NOC3L: variants seen among roughly 807,000 people sequenced by gnomAD.
NOC3L encodes the protein nucleolar complex protein 3 homolog.
A neutral mutation model predicts 102.5 loss-of-function variants in NOC3L; 85 were observed. The observed-to-expected ratio is 0.83, with a 90% CI of 0.70 to 0.99. NOC3L has a LOEUF of 0.99. NOC3L is among the 50% of genes least tolerant of loss of function. The pLI is 0.00. For missense variants in NOC3L, 878 were observed against 914.9 expected, an observed-to-expected ratio of 0.96 and a Z score of 0.52; for synonymous variants, 303 against 309.4, an observed-to-expected ratio of 0.98 and a Z score of 0.22.
the NOC3L span, among the ~76,000 whole-genome samples, chr10:94,322,661 T>C: frequency 2.0e-5 from 3 of 152,058 alleles, no homozygotes; most frequent in Non-Finnish European, 2.9e-5. Context: ...GGCAGGCACC[T>C]GTAATCCCAG....
At chr10:94,316,690 A>C in the NOC3L span, 1 of 1,614,062 alleles carries the variant, frequency 6.2e-7, no homozygotes, top group Non-Finnish European at 8.5e-7. Context: ...AGATCATGCA[A>C]ATTTTAAGCA....
At chr10:94,343,047 GCAACC>G (rs2054304015) in intron 13 of NOC3L, among the ~76,000 whole-genome samples, 1 of 149,298 alleles carries the variant, frequency 6.7e-6, no homozygotes, top group Admixed American at 6.7e-5. Flanking sequence ...TTACGTCACT[GCAACC>G]CAGCCTGAGC....
At chr10:94,346,322 T>G (rs1044857717) in intron 11 of NOC3L, 103 bp downstream of exon 11, 4 of 878,502 alleles carry the variant, frequency 4.6e-6, no homozygotes, top group African/African-American at 1.8e-5. Flanking sequence ...TCAAAACTTT[T>G]ATGTTTATGA....
chr10:94,340,499 TTAA>T lies in NOC3L; in HGVS notation c.1645-6_1645-4del. 1.1e-6 allele frequency: 1 copy of T among 872,670 alleles called. No homozygotes were observed. The highest frequency in any genetic ancestry group is 1.7e-6 in the Non-Finnish European group (1 of 581,792). The allele number at this position is 872,670 out of a possible 1,614,324, so 54.1% of individuals were successfully genotyped here. On this transcript the variant is annotated splice_polypyrimidine_tract_variant and splice_region_variant and intron_variant, in intron 14 of 20. Coordinates refer to ENST00000371361, the MANE Select transcript of NOC3L (RefSeq NM_022451.11). ...AGACTTTCTTGATAGCTTAGGTCCT[TTAA>T]AAAAAAAAGGGGGGGGTGAGGGGGA...
At chr10:94,322,532 C>A in the NOC3L span, among the ~76,000 whole-genome samples, 1 of 152,114 alleles carries the variant, frequency 6.6e-6, no homozygotes, top group East Asian at 1.9e-4. Flanking sequence ...CGCCTGTAAT[C>A]CCAACACTTT....
At position 94,353,066 on chromosome 10, in the gene NOC3L, G is replaced by T; in HGVS notation, c.697-9C>A. The stretch of plus-strand genomic sequence containing the variant: ...TCTTTCAATTTTTTAATCTGTTAAA[G>T]AAATAGCTTATAAAGCTGGAGAAAT... On this transcript the variant is annotated splice_polypyrimidine_tract_variant and intron_variant, in intron 6 of 20. Transcript: ENST00000371361. The T allele has an allele frequency of 6.3e-7, 1 of 1,591,064 alleles. No homozygotes were observed. The highest frequency in any genetic ancestry group is 1.1e-5 in the South Asian group (1 of 87,016).
rs2054242432 is a variant in NOC3L at position 94,337,981 on chromosome 10, A to G, written c.2092-107T>C. 4.1e-6 allele frequency: 3 copies of G among 729,470 alleles called. No homozygotes were observed. The Admixed American group carries it at 7.0e-5, about 17-fold the overall frequency. The allele number at this position is 729,470 out of a possible 1,614,324, so 45.2% of individuals were successfully genotyped here. ...ATAAAATTACACCAAATTTTTTTTC[A>G]TCACCTATGTACAGTATATGTAATT... On this transcript the variant is annotated intron_variant, in intron 18 of 20. Transcript: ENST00000371361.
chr10:94,352,377 T>C lies in NOC3L; in HGVS notation c.885A>G (p.Arg295=), dbSNP rs765187346. The change falls in exon 8 of 21, where the codon AGA becomes AGG. Residue 295 remains arginine, a synonymous_variant. Coordinates refer to ENST00000371361, the MANE Select transcript of NOC3L (RefSeq NM_022451.11). ...GGCTAACCAGGCCTTCTTCAAATTC[T>C]CTTAACTTCTGGGTTTCTTTTCGGG... ...TKTRKETQKL[R]EFEEGLVSQY... The C allele has an allele frequency of 2.5e-6, 4 of 1,613,660 alleles. No homozygotes were observed. The highest frequency in any genetic ancestry group is 3.4e-6 in the Non-Finnish European group (4 of 1,179,792).
At chr10:94,361,362 A>G (rs1589580257) in intron 2 of NOC3L, 1 of 331,032 alleles carries the variant, frequency 3.0e-6, no homozygotes, top group South Asian at 5.1e-5. Flanking sequence ...GCACTGGCAC[A>G]CTGCCCAATA....
intron 14 of NOC3L, 41 bp from the exon 15 acceptor site, chr10:94,340,537 A>C (rs2054270826): frequency 1.3e-6 from 2 of 1,485,196 alleles, no homozygotes; most frequent in African/African-American, 2.8e-5. Context: ...ATGGAATATT[A>C]AGAATGGTAA....
intron 19 of NOC3L, among the ~76,000 whole-genome samples, chr10:94,335,685 A>G (rs572897713): frequency 1.0e-3 from 158 of 152,334 alleles, no homozygotes; most frequent in African/African-American, 3.3e-3. Context: ...AAAAGCGGGA[A>G]ATGTGAATTT....
intron 8 of NOC3L, among the ~76,000 whole-genome samples, chr10:94,351,225 C>G (rs2054412552): frequency 6.6e-6 from 1 of 151,930 alleles, no homozygotes; most frequent in Admixed American, 6.6e-5. Flanking sequence ...AAGCAATATC[C>G]ATACTACCCA....
chr10:94,354,947 A>G lies in NOC3L; in HGVS notation c.696+16T>C. 1 of 1,610,826 alleles carries G rather than the reference A, an allele frequency of 6.2e-7. No individual in the cohort carries two copies. Among genetic ancestry groups the G allele is most frequent in the South Asian group, 1.1e-5 (1 of 90,700 alleles). ...ATACCTAATACAAAGAGCCTAAAGA[A>G]ATTAATACTACCTACATTATTTTCT... On this transcript the variant is annotated intron_variant, in intron 6 of 20. Coordinates refer to ENST00000371361, the MANE Select transcript of NOC3L (RefSeq NM_022451.11).
intron 11 of NOC3L, among the ~76,000 whole-genome samples, chr10:94,345,379 C>T (rs527889023): frequency 6.6e-6 from 1 of 151,986 alleles, no homozygotes; most frequent in East Asian, 1.9e-4. Context: ...CAGTCACCAA[C>T]AATACTTCCC....
chr10:94,354,890 C>T (rs1228906270), intron 6 of NOC3L, 73 bp downstream of exon 6: 2 of 1,466,988 alleles, frequency 1.4e-6, no homozygotes, highest in Non-Finnish European at 1.9e-6. Context: ...TTATAGGTAA[C>T]AAGGGAATCT....
At chr10:94,315,900 C>A in the NOC3L span, among the ~76,000 whole-genome samples, 2 of 148,776 alleles carry the variant, frequency 1.3e-5, no homozygotes, top group South Asian at 4.3e-4. Flanking sequence ...TTGTGTAGAT[C>A]GGAAAACAGT....
In NOC3L at chr10:94,362,787, A is replaced by G. The variant is rs759961824; in HGVS notation, c.9+43T>C. 7 of 1,612,374 alleles carry G rather than the reference A, an allele frequency of 4.3e-6. No homozygotes were observed. In the Admixed American group the frequency reaches 1.2e-4, roughly 27 times the overall value. On this transcript the variant is annotated intron_variant, in intron 1 of 20. Transcript: ENST00000371361. ...CTCAGGCAGTGACTCTATCACCCGA[A>G]GGGGCCCTAGGCCGCGGCGACCGGG... is the stretch of plus-strand genomic sequence containing the variant.
At chr10:94,343,683 A>T (rs1301434243) in intron 13 of NOC3L, among the ~76,000 whole-genome samples, 2 of 152,224 alleles carry the variant, frequency 1.3e-5, no homozygotes, top group African/African-American at 2.4e-5. Flanking sequence ...CCAAATTAAG[A>T]CACAAGCGTA....
At chr10:94,324,384 G>A in the NOC3L span, 86 of 1,614,000 alleles carry the variant, frequency 5.3e-5, no homozygotes, top group Non-Finnish European at 7.0e-5. Flanking sequence ...ACAGCATCCT[G>A]AGCAACCCCA....
Sources: allele counts gnomAD v4.1 joint callset (sites outside exome capture counted in the v4.1 genomes callset), GRCh38; gene constraint gnomAD v4.1.1; transcripts MANE v1.5; gene names NCBI Gene and HGNC (gene_info 2026-07-23, HGNC 2026-07-21).